TAFA1: variants seen among roughly 807,000 people sequenced by gnomAD.
TAFA1 encodes the protein chemokine-like protein TAFA-1.
A neutral mutation model predicts 18.5 loss-of-function variants in TAFA1; 4 were observed. The observed-to-expected ratio is 0.22, with a 90% CI of 0.11 to 0.49. The LOEUF is 0.49. TAFA1 is among the 20% of genes least tolerant of loss of function. The pLI, the probability that TAFA1 is intolerant of heterozygous loss-of-function variation, is 0.98. For missense variants in TAFA1, 147 were observed against 169.0 expected (o/e 0.87, Z 0.72); for synonymous variants, 56 against 55.2 (o/e 1.01, Z -0.06).
intron 3 of TAFA1, among the ~76,000 whole-genome samples, chr3:68,427,104 T>G (rs2106825735): frequency 6.6e-6 from 1 of 151,884 alleles, no homozygotes; most frequent in Admixed American, 6.6e-5. Context: ...TCCTTGTCAG[T>G]TACCTAACTG....
At chr3:68,386,737 C>T (rs2070113234) in intron 2 of TAFA1, among the ~76,000 whole-genome samples, 3 of 152,106 alleles carry the variant, frequency 2.0e-5, no homozygotes, top group Non-Finnish European at 4.4e-5. Context: ...TGGGTGTCTG[C>T]TCTGTAGCTA....
intron 2 of TAFA1, among the ~76,000 whole-genome samples, chr3:68,021,318 G>A (rs1232015892): frequency 2.7e-5 from 4 of 150,210 alleles, no homozygotes; most frequent in African/African-American, 9.8e-5. Flanking sequence ...TAATCCAAAA[G>A]TTAGCACTGG....
intron 3 of TAFA1, among the ~76,000 whole-genome samples, chr3:68,468,452 C>T (rs1222708307): frequency 6.6e-6 from 1 of 152,164 alleles, no homozygotes; most frequent in South Asian, 2.1e-4. Flanking sequence ...ATTTGTGAGA[C>T]GTGAACCAAA....
intron 2 of TAFA1, among the ~76,000 whole-genome samples, chr3:68,378,154 C>A (rs904464224): frequency 2.3e-4 from 35 of 152,330 alleles, no homozygotes; most frequent in Non-Finnish European, 4.4e-4. Context: ...GGGCCACCAT[C>A]CTCTAGAACC....
At chr3:68,142,915 T>A (rs76426602) in intron 2 of TAFA1, among the ~76,000 whole-genome samples, 5 of 1,484 alleles carry the variant, frequency 3.4e-3, no homozygotes, top group African/African-American at 4.2e-3. Flanking sequence ...GAAATCGTTA[T>A]TTTTTTTTTT....
intron 3 of TAFA1, among the ~76,000 whole-genome samples, chr3:68,522,329 T>C (rs546110733): frequency 6.6e-6 from 1 of 152,282 alleles, no homozygotes; most frequent in Admixed American, 6.5e-5. Flanking sequence ...ATTGAGATTG[T>C]AAGATGTCAA....
intron 3 of TAFA1, among the ~76,000 whole-genome samples, chr3:68,419,929 A>G (rs1031689144): frequency 3.9e-5 from 6 of 152,208 alleles, no homozygotes; most frequent in African/African-American, 1.4e-4. Flanking sequence ...TTCACGGAAC[A>G]TACTATCTCT....
chr3:68,132,596 T>C (rs1252948306), intron 2 of TAFA1, among the ~76,000 whole-genome samples: 1 of 152,228 alleles, frequency 6.6e-6, no homozygotes, highest in Non-Finnish European at 1.5e-5. Context: ...TATCTCACTG[T>C]GGTTTTGATT....
At chr3:68,328,492 G>A (rs908400275) in intron 2 of TAFA1, among the ~76,000 whole-genome samples, 5 of 152,142 alleles carry the variant, frequency 3.3e-5, no homozygotes, top group South Asian at 2.1e-4. Flanking sequence ...CTGCTGGGCC[G>A]GGAAGCTAGT....
At chr3:68,436,139 T>C (rs2071265158) in intron 3 of TAFA1, among the ~76,000 whole-genome samples, 1 of 152,198 alleles carries the variant, frequency 6.6e-6, no homozygotes, top group South Asian at 2.1e-4. Context: ...AAATTATTTC[T>C]GTTCTTTTAA....
At chr3:68,430,581 T>C (rs1399882956) in intron 3 of TAFA1, among the ~76,000 whole-genome samples, 1 of 151,976 alleles carries the variant, frequency 6.6e-6, no homozygotes, top group Non-Finnish European at 1.5e-5. Context: ...GGAGACAGTA[T>C]TGAGAGCCCT....
chr3:68,220,805 T>A (rs1439447872), intron 2 of TAFA1, among the ~76,000 whole-genome samples: 1 of 152,106 alleles, frequency 6.6e-6, no homozygotes, highest in Non-Finnish European at 1.5e-5. Flanking sequence ...TGCACTGCTG[T>A]CTCTAAGGGT....
At chr3:68,151,381 C>A (rs1427301239) in intron 2 of TAFA1, among the ~76,000 whole-genome samples, 1 of 152,076 alleles carries the variant, frequency 6.6e-6, no homozygotes, top group Non-Finnish European at 1.5e-5. Flanking sequence ...ATTTTCCTGT[C>A]CTTTGTATAC....
chr3:68,004,211 CAT>C (rs746369394), upstream of TAFA1: 32 of 152,176 alleles, frequency 2.1e-4, 1 homozygote, highest in Non-Finnish European at 4.4e-5. Context: ...CACTTTAAGA[CAT>C]GTGATACTTT....
chr3:68,143,535 G>A (rs556304193), intron 2 of TAFA1, among the ~76,000 whole-genome samples: 3 of 152,178 alleles, frequency 2.0e-5, no homozygotes, highest in African/African-American at 7.2e-5. Context: ...ATTCCTTGTC[G>A]TGGGGACTGT....
chr3:68,460,326 G>T (rs2071750437), intron 3 of TAFA1, among the ~76,000 whole-genome samples: 1 of 152,102 alleles, frequency 6.6e-6, no homozygotes. Flanking sequence ...ACCTCATGAA[G>T]ATGTCAATAC....
At chr3:68,145,354 C>G (rs61737054) in intron 2 of TAFA1, 18 of 812,486 alleles carry the variant, frequency 2.2e-5, no homozygotes, top group African/African-American at 5.0e-5. Context: ...GGAGACGCAC[C>G]TTTGCCCTGG....
intron 2 of TAFA1, among the ~76,000 whole-genome samples, chr3:68,288,687 G>A (rs775910797): frequency 1.4e-4 from 22 of 151,972 alleles, no homozygotes; most frequent in Admixed American, 1.4e-3. Context: ...TTGATTCTTT[G>A]TTTATTCGTC....
intron 2 of TAFA1, among the ~76,000 whole-genome samples, chr3:68,322,961 C>A (rs568215449): frequency 3.3e-5 from 5 of 152,128 alleles, no homozygotes; most frequent in Middle Eastern, 3.4e-3. Context: ...AAAAGTATTT[C>A]TCTGAGTACC....
Sources: allele counts gnomAD v4.1 joint callset (sites outside exome capture counted in the v4.1 genomes callset), GRCh38; gene constraint gnomAD v4.1.1; transcripts MANE v1.5; gene names NCBI Gene and HGNC (gene_info 2026-07-23, HGNC 2026-07-21).